PLCB1: variants seen among roughly 807,000 people sequenced by gnomAD.
The protein encoded by PLCB1 is 1-phosphatidylinositol 4,5-bisphosphate phosphodiesterase beta-1.
In PLCB1, 46 loss-of-function variants were observed where a neutral mutation model predicts 161.8. The observed-to-expected ratio is 0.28, with a 90% CI of 0.22 to 0.36. PLCB1 has a LOEUF of 0.36. Among genes scored for constraint, PLCB1 ranks in the 10% least tolerant of loss-of-function variants. The probability of loss-of-function intolerance (pLI) is 1.00; values close to 1 mark genes in which losing one functional copy is unlikely to be tolerated. For synonymous variants in PLCB1, 517 were observed against 503.7 expected (o/e 1.03, Z -0.35); for missense variants, 1,016 against 1,472.5 (o/e 0.69, Z 5.07).
At chr20:8,477,397 G>C (rs1396878802) in intron 3 of PLCB1, among the ~76,000 whole-genome samples, 1 of 152,158 alleles carries the variant, frequency 6.6e-6, no homozygotes, top group Non-Finnish European at 1.5e-5. Flanking sequence ...CCCATCCAAT[G>C]GTGGTTACAT....
intron 4 of PLCB1, among the ~76,000 whole-genome samples, chr20:8,645,020 C>G (rs1989121550): frequency 6.6e-6 from 1 of 152,120 alleles, no homozygotes; most frequent in Non-Finnish European, 1.5e-5. Flanking sequence ...AACCTTACCC[C>G]CAACCCTGTG....
intron 3 of PLCB1, among the ~76,000 whole-genome samples, chr20:8,410,183 T>G (rs1978979436): frequency 6.6e-6 from 1 of 152,184 alleles, no homozygotes; most frequent in Non-Finnish European, 1.5e-5. Context: ...CCAAATGTAT[T>G]TATCCATTAT....
intron 2 of PLCB1, among the ~76,000 whole-genome samples, chr20:8,302,795 T>A (rs760074295): frequency 6.6e-6 from 1 of 152,154 alleles, no homozygotes; most frequent in Non-Finnish European, 1.5e-5. Flanking sequence ...TATTTCTGTG[T>A]TTTTCAAATA....
chr20:8,384,198 C>G (rs926339977), intron 3 of PLCB1, among the ~76,000 whole-genome samples: 1 of 152,046 alleles, frequency 6.6e-6, no homozygotes, highest in African/African-American at 2.4e-5. Context: ...AGTCCCATAT[C>G]TCTTGGAGGC....
chr20:8,876,282 CGTCT>C (rs1987777815), intron 31 of PLCB1, among the ~76,000 whole-genome samples: 1 of 152,080 alleles, frequency 6.6e-6, no homozygotes, highest in African/African-American at 2.4e-5. Context: ...CATGTTCTTT[CGTCT>C]TTCTTGTTCA....
chr20:8,628,599 A>G (rs926335483), intron 4 of PLCB1, 168 bp downstream of exon 4: 2 of 645,378 alleles, frequency 3.1e-6, no homozygotes, highest in African/African-American at 3.6e-5. Context: ...ACTTCTAAAT[A>G]ATGGCATCAA....
intron 2 of PLCB1, among the ~76,000 whole-genome samples, chr20:8,208,136 C>G (rs149050283): frequency 6.6e-6 from 1 of 151,980 alleles, no homozygotes; most frequent in Non-Finnish European, 1.5e-5. Flanking sequence ...TGAACCACAC[C>G]GTAGATAACT....
At chr20:8,612,876 T>G (rs916373760) in intron 3 of PLCB1, among the ~76,000 whole-genome samples, 1 of 152,182 alleles carries the variant, frequency 6.6e-6, no homozygotes, top group Non-Finnish European at 1.5e-5. Context: ...AAAGTCACCA[T>G]CTGTTAATGA....
At chr20:8,556,097 G>T (rs756772945) in intron 3 of PLCB1, among the ~76,000 whole-genome samples, 2 of 151,922 alleles carry the variant, frequency 1.3e-5, no homozygotes, top group Non-Finnish European at 2.9e-5. Context: ...ATCTAAGTTA[G>T]TCTTAGAATT....
intron 4 of PLCB1, among the ~76,000 whole-genome samples, chr20:8,643,801 G>A (rs1301463372): frequency 3.8e-5 from 4 of 104,674 alleles, no homozygotes; most frequent in African/African-American, 1.4e-4. Flanking sequence ...CTCTCCCCAT[G>A]GTCTCCCTCT....
chr20:8,493,549 C>G (rs1983033620), intron 3 of PLCB1, among the ~76,000 whole-genome samples: 1 of 152,182 alleles, frequency 6.6e-6, no homozygotes. Context: ...CAGAACCTAG[C>G]AAATGGTAAG....
chr20:8,876,293 T>C (rs1987778179), intron 31 of PLCB1, among the ~76,000 whole-genome samples: 1 of 152,192 alleles, frequency 6.6e-6, no homozygotes, highest in South Asian at 2.1e-4. Flanking sequence ...GTCTTTCTTG[T>C]TCATTTTCCA....
intron 3 of PLCB1, among the ~76,000 whole-genome samples, chr20:8,608,546 T>C (rs1406386263): frequency 6.6e-6 from 1 of 152,230 alleles, no homozygotes; most frequent in Non-Finnish European, 1.5e-5. Context: ...CATTATCATG[T>C]GACATCTGTT....
intron 3 of PLCB1, among the ~76,000 whole-genome samples, chr20:8,555,247 A>G (rs1985912299): frequency 6.6e-6 from 1 of 152,062 alleles, no homozygotes; most frequent in Non-Finnish European, 1.5e-5. Context: ...TTAACTCTGT[A>G]TCCTTAATAG....
chr20:8,774,095 A>G (rs1982824168), intron 26 of PLCB1, among the ~76,000 whole-genome samples: 1 of 151,456 alleles, frequency 6.6e-6, no homozygotes, highest in South Asian at 2.1e-4. Context: ...AACAAGGCAC[A>G]TCTTTAGCTT....
intron 12 of PLCB1, among the ~76,000 whole-genome samples, chr20:8,713,614 C>T (rs1281448302): frequency 6.6e-6 from 1 of 152,194 alleles, no homozygotes; most frequent in South Asian, 2.1e-4. Flanking sequence ...CCACCCTGGA[C>T]TCTGTGTTGG....
At chr20:8,643,763 C>CTCTCCCTCTCCCTCTT (rs937582808) in intron 4 of PLCB1, among the ~76,000 whole-genome samples, 1 of 147,092 alleles carries the variant, frequency 6.8e-6, no homozygotes, top group Non-Finnish European at 1.5e-5. Flanking sequence ...CTCCCTCTCC[C>CTCTCCCTCTCCCTCTT]TCTCCCTCTC....
intron 31 of PLCB1, among the ~76,000 whole-genome samples, chr20:8,838,073 A>T (rs1161722479): frequency 9.2e-4 from 1 of 1,090 alleles, no homozygotes; most frequent in Admixed American, 0.042. Context: ...TATGTCAAAT[A>T]AAAAAAAAAA....
At chr20:8,359,632 T>C (rs896673462) in intron 2 of PLCB1, among the ~76,000 whole-genome samples, 13 of 152,176 alleles carry the variant, frequency 8.5e-5, no homozygotes, top group African/African-American at 2.9e-4. Flanking sequence ...GCACGTTAGA[T>C]TACAGGGTAT....
Sources: allele counts gnomAD v4.1 joint callset (sites outside exome capture counted in the v4.1 genomes callset), GRCh38; gene constraint gnomAD v4.1.1; transcripts MANE v1.5; gene names NCBI Gene and HGNC (gene_info 2026-07-23, HGNC 2026-07-21).